Variants in TMPRSS9 observed in about 807,000 individuals in gnomAD.
TMPRSS9 encodes the protein transmembrane serine protease 9, also known as transmembrane protease serine 9.
In TMPRSS9, 113 loss-of-function variants were observed where a neutral mutation model predicts 111.4. The observed-to-expected ratio is 1.01, with a 90% CI of 0.87 to 1.19. The LOEUF is 1.19. Ranked by LOEUF, TMPRSS9 falls within the 50% of genes most tolerant of loss-of-function variation. TMPRSS9 has a pLI of 0.00. For missense variants in TMPRSS9, 1,803 were observed against 1,513.1 expected (o/e 1.19, Z -3.18); for synonymous variants, 805 against 659.1 (o/e 1.22, Z -3.39).
At chr19:2,416,302 T>G in intron 11 of TMPRSS9, 2 of 563,888 alleles carry the variant, frequency 3.5e-6, no homozygotes, top group African/African-American at 1.9e-5. Context: ...GTGTAGAAAA[T>G]GAAGCCTGAG....
exon 14 of TMPRSS9, chr19:2,422,015 G>A (rs1568192688): frequency 2.5e-6 from 4 of 1,612,954 alleles, no homozygotes; most frequent in Non-Finnish European, 2.5e-6. Flanking sequence ...TGTCCTCCCA[G>A]CCCCTTCCCA....
chr19:2,379,657 C>CTTTCTTT (rs1317539220), intron 1 of TMPRSS9, among the ~76,000 whole-genome samples: 1 of 149,150 alleles, frequency 6.7e-6, no homozygotes, highest in Non-Finnish European at 1.5e-5. Flanking sequence ...TTCTTTCTTT[C>CTTTCTTT]TTTCTTTCTT....
At chr19:2,368,739 G>C (rs117916448) in intron 1 of TMPRSS9, among the ~76,000 whole-genome samples, 4,221 of 148,708 alleles carry the variant, frequency 0.028, 87 homozygotes, top group Non-Finnish European at 0.043. Flanking sequence ...GATGGACTGG[G>C]TTTGGGATGT....
intron 10 of TMPRSS9, among the ~76,000 whole-genome samples, chr19:2,414,551 A>G (rs1006070975): frequency 2.0e-5 from 3 of 151,712 alleles, no homozygotes; most frequent in African/African-American, 7.3e-5. Flanking sequence ...AATACTTTCT[A>G]TTGTATTTTC....
intron 1 of TMPRSS9, among the ~76,000 whole-genome samples, chr19:2,392,836 T>C (rs1203896742): frequency 6.6e-6 from 1 of 152,142 alleles, no homozygotes; most frequent in Non-Finnish European, 1.5e-5. Flanking sequence ...TAAAGGTTTG[T>C]AAATGCACCA....
At chr19:2,421,477 C>T (rs1007830686) in intron 13 of TMPRSS9, among the ~76,000 whole-genome samples, 14 of 151,662 alleles carry the variant, frequency 9.2e-5, no homozygotes, top group Admixed American at 8.5e-4. Flanking sequence ...TTAGTAGAGA[C>T]GGGGTTTCAC....
chr19:2,385,141 A>G (rs1056807113), upstream of TMPRSS9, among the ~76,000 whole-genome samples: 7 of 87,584 alleles, frequency 8.0e-5, no homozygotes, highest in African/African-American at 3.0e-4. Context: ...CGGAGCTCGC[A>G]GGGGGCGGAG....
chr19:2,387,419 T>C (rs2116961), upstream of TMPRSS9, among the ~76,000 whole-genome samples: 72,633 of 151,822 alleles, frequency 0.48, 19,437 homozygotes, highest in African/African-American at 0.71. Flanking sequence ...CGCTTGAACC[T>C]GGGAGGCAGA....
At chr19:2,421,819 G>A (rs1181789786) in intron 13 of TMPRSS9, 35 bp from the exon 15 acceptor site, 1 of 1,553,254 alleles carries the variant, frequency 6.4e-7, no homozygotes, top group Non-Finnish European at 8.7e-7. Flanking sequence ...GAGGGTCCCT[G>A]GAGGACCAAC....
At chr19:2,363,174 C>T (rs1970215899) in intron 1 of TMPRSS9, among the ~76,000 whole-genome samples, 1 of 152,238 alleles carries the variant, frequency 6.6e-6, no homozygotes, top group South Asian at 2.1e-4. Flanking sequence ...CCACTGCGCG[C>T]TGGGTCCCGT....
intron 1 of TMPRSS9, among the ~76,000 whole-genome samples, chr19:2,362,027 TTG>T (rs1387035495): frequency 2.6e-5 from 4 of 151,976 alleles, no homozygotes; most frequent in African/African-American, 4.8e-5. Context: ...TGATGTGTGG[TTG>T]TGTGTGGCAA....
chr19:2,381,176 T>C (rs191698320), intron 1 of TMPRSS9, among the ~76,000 whole-genome samples: 4 of 152,028 alleles, frequency 2.6e-5, no homozygotes, highest in East Asian at 3.9e-4. Flanking sequence ...ATCGTAAAGG[T>C]TGGCTGGATG....
At chr19:2,377,287 ATGTATATATGTATGTATG>A (rs1568169900) in intron 1 of TMPRSS9, among the ~76,000 whole-genome samples, 7 of 117,826 alleles carry the variant, frequency 5.9e-5, no homozygotes, top group South Asian at 2.3e-4. Context: ...GTATGTATGT[ATGTATATATGTATGTATG>A]TATGTATGTA....
chr19:2,418,269 C>CCTCCTT, intron 13 of TMPRSS9, 131 bp downstream of exon 14: 1 of 1,055,024 alleles, frequency 9.5e-7, no homozygotes, highest in African/African-American at 1.9e-5. Context: ...CCTCCTTGTC[C>CCTCCTT]TTCCCTCCTT....
intron 2 of TMPRSS9, among the ~76,000 whole-genome samples, chr19:2,398,544 G>A (rs1200970148): frequency 6.6e-6 from 1 of 151,980 alleles, no homozygotes; most frequent in Non-Finnish European, 1.5e-5. Flanking sequence ...CTTGAACCTG[G>A]GAGGCGGAGG....
chr19:2,383,901 C>T (rs958085831), intron 1 of TMPRSS9, among the ~76,000 whole-genome samples: 9 of 151,960 alleles, frequency 5.9e-5, no homozygotes, highest in East Asian at 3.9e-4. Flanking sequence ...AACCAAAGCC[C>T]GGCCAAGGTA....
chr19:2,377,256 T>C (rs1227070878), intron 1 of TMPRSS9, among the ~76,000 whole-genome samples: 4 of 103,400 alleles, frequency 3.9e-5, no homozygotes, highest in African/African-American at 1.8e-4. Context: ...TATGTATGTA[T>C]GTATGTATGT....
chr19:2,416,557 C>T (rs747256599), exon 12 of TMPRSS9: 26 of 1,609,510 alleles, frequency 1.6e-5, no homozygotes, highest in East Asian at 1.3e-4. Flanking sequence ...GGAGCAGGTT[C>T]GGGCCCACCT....
chr19:2,414,939 C>CTTTTTTTTTTTT (rs1474701467), intron 10 of TMPRSS9, among the ~76,000 whole-genome samples: 1 of 141,456 alleles, frequency 7.1e-6, no homozygotes, highest in Non-Finnish European at 1.5e-5. Flanking sequence ...AGTTGCATTC[C>CTTTTTTTTTTTT]TATTTTTTTT....
Sources: allele counts gnomAD v4.1 joint callset (sites outside exome capture counted in the v4.1 genomes callset), GRCh38; gene constraint gnomAD v4.1.1; transcripts MANE v1.5; gene names NCBI Gene and HGNC (gene_info 2026-07-23, HGNC 2026-07-21).